Variants in POU2AF3 observed in about 807,000 individuals in gnomAD.
POU2AF3 encodes the protein cancer susceptibility candidate 13.
chr11:111,305,119 G>A, the POU2AF3 span: 6 of 442,374 alleles, frequency 1.4e-5, no homozygotes, highest in East Asian at 1.8e-4. Flanking sequence ...GGTGAAAAAG[G>A]CATAGTCACT....
the POU2AF3 span, chr11:111,306,430 C>T: frequency 6.8e-7 from 1 of 1,476,996 alleles, no homozygotes; most frequent in South Asian, 1.4e-5. Flanking sequence ...TCTTCCACGC[C>T]CAATTATTTG....
At chr11:111,299,728 G>A in the POU2AF3 span, 2 of 1,231,612 alleles carry the variant, frequency 1.6e-6, no homozygotes, top group Non-Finnish European at 2.0e-6. Context: ...GGAGGGGGTA[G>A]GGAGAGAGGG....
chr11:111,299,290 C>A, the POU2AF3 span: 12 of 986,878 alleles, frequency 1.2e-5, no homozygotes, highest in Non-Finnish European at 1.2e-6. Flanking sequence ...CGGTCACCCT[C>A]GGCCGCCGCA....
the POU2AF3 span, among the ~76,000 whole-genome samples, chr11:111,306,855 C>T: frequency 3.3e-5 from 5 of 152,186 alleles, no homozygotes; most frequent in African/African-American, 4.8e-5. Flanking sequence ...TTAGATTTTT[C>T]GGCCACCAAG....
At chr11:111,299,532 C>T in the POU2AF3 span, 5 of 1,182,306 alleles carry the variant, frequency 4.2e-6, no homozygotes, top group East Asian at 7.2e-5. Context: ...TGAGCGCGCC[C>T]GCCACCTCCC....
the POU2AF3 span, chr11:111,308,628 G>T: frequency 2.2e-6 from 1 of 448,638 alleles, no homozygotes; most frequent in Non-Finnish European, 3.7e-6. Flanking sequence ...CTCCTACTTT[G>T]TATGCTCATA....
chr11:111,300,468 C>T, the POU2AF3 span: 1 of 865,296 alleles, frequency 1.2e-6, no homozygotes, highest in South Asian at 6.1e-5. Context: ...GGGGCCCCCA[C>T]TCTGCACCCT....
At chr11:111,300,157 C>T in the POU2AF3 span, 1 of 353,878 alleles carries the variant, frequency 2.8e-6, no homozygotes, top group Non-Finnish European at 5.0e-6. Context: ...TCTCTCTCGG[C>T]TGTCTGGGTC....
At chr11:111,300,627 C>G in the POU2AF3 span, 1 of 1,225,466 alleles carries the variant, frequency 8.2e-7, no homozygotes, top group East Asian at 3.2e-5. Flanking sequence ...GAACCGTAAG[C>G]ATAAGCCCTT....
the POU2AF3 span, chr11:111,304,947 TC>T: frequency 8.1e-7 from 1 of 1,233,062 alleles, no homozygotes; most frequent in Non-Finnish European, 1.0e-6. Context: ...GGCAGCAGTG[TC>T]CACCTTTCAG....
the POU2AF3 span, among the ~76,000 whole-genome samples, chr11:111,305,374 T>TTTCC: frequency 6.6e-6 from 1 of 152,232 alleles, no homozygotes; most frequent in Non-Finnish European, 1.5e-5. Context: ...GTTCCTTTAG[T>TTTCC]TTCCAGCCGA....
chr11:111,306,403 T>C, the POU2AF3 span: 1 of 1,456,444 alleles, frequency 6.9e-7, no homozygotes, highest in Non-Finnish European at 9.0e-7. Context: ...GGACTGTATT[T>C]TGAGCCTGAA....
chr11:111,298,826 G>GCCGGGGGGC, the POU2AF3 span: 3 of 790,960 alleles, frequency 3.8e-6, no homozygotes, highest in Non-Finnish European at 5.1e-6. Flanking sequence ...CGTACCCCAG[G>GCCGGGGGGC]CCCCCGCCCG....
the POU2AF3 span, chr11:111,300,379 G>T: frequency 2.7e-6 from 1 of 370,272 alleles, no homozygotes; most frequent in Non-Finnish European, 4.8e-6. Flanking sequence ...AAATGTTTGG[G>T]TTTTTACCAT....
chr11:111,299,547 G>A, the POU2AF3 span: 1 of 1,198,272 alleles, frequency 8.3e-7, no homozygotes, highest in Non-Finnish European at 1.0e-6. Context: ...CCTCCCGCGA[G>A]CCGGGGCAGT....
the POU2AF3 span, among the ~76,000 whole-genome samples, chr11:111,305,833 T>C: frequency 0.53 from 81,123 of 152,044 alleles, 22,332 homozygotes; most frequent in South Asian, 0.71. Flanking sequence ...GCCAATAGTG[T>C]TAATTGGTAC....
chr11:111,306,645 T>C, the POU2AF3 span: 1 of 1,508,910 alleles, frequency 6.6e-7, no homozygotes, highest in Non-Finnish European at 9.0e-7. Context: ...CAGTTCTTTA[T>C]ATACCTGATT....
chr11:111,299,386 C>T, the POU2AF3 span: 2 of 999,500 alleles, frequency 2.0e-6, no homozygotes, highest in South Asian at 4.7e-5. Flanking sequence ...CTGCGGCCAC[C>T]TCCACCTTGA....
At chr11:111,303,619 A>G in the POU2AF3 span, among the ~76,000 whole-genome samples, 1 of 152,232 alleles carries the variant, frequency 6.6e-6, no homozygotes, top group African/African-American at 2.4e-5. Flanking sequence ...CACTCCTTCC[A>G]AGTCCTTCAG....
Sources: gnomAD v4.1 joint callset for allele counts (sites outside exome capture counted in the v4.1 genomes callset) on GRCh38, gnomAD v4.1.1 for gene constraint, MANE v1.5 for transcripts, NCBI Gene and HGNC (gene_info 2026-07-23, HGNC 2026-07-21) for gene names.